Variants in DNTT observed in about 807,000 individuals in gnomAD.
DNTT encodes the protein DNA nucleotidylexotransferase.
In DNTT, 47 loss-of-function variants were observed where a neutral mutation model predicts 60.9. The ratio of observed to expected loss-of-function variants is 0.77; its 90% CI spans 0.61 to 0.98. DNTT has a LOEUF of 0.98. DNTT is among the 50% of genes least tolerant of loss of function. The pLI, the probability that DNTT is intolerant of heterozygous loss-of-function variation, is 0.00. For missense variants in DNTT, 665 were observed against 627.5 expected (o/e 1.06, Z -0.64); for synonymous variants, 224 against 221.2 (o/e 1.01, Z -0.11).
At chr10:96,331,692 C>T (rs558038073) in intron 8 of DNTT, among the ~76,000 whole-genome samples, 16 of 152,302 alleles carry the variant, frequency 1.1e-4, no homozygotes, top group Admixed American at 7.2e-4. Context: ...CAAATTTCTA[C>T]GTGAGATTTA....
intron 1 of DNTT, among the ~76,000 whole-genome samples, chr10:96,315,925 C>A (rs1353570233): frequency 6.6e-6 from 1 of 152,066 alleles, no homozygotes; most frequent in Non-Finnish European, 1.5e-5. Flanking sequence ...GGTTATCCAT[C>A]TTCCTTTAAT....
chr10:96,332,718 C>A, intron 9 of DNTT, 122 bp downstream of exon 9: 2 of 1,428,748 alleles, frequency 1.4e-6, no homozygotes, highest in Middle Eastern at 2.6e-4. Flanking sequence ...GGGCCAGTAC[C>A]CAGAAACCTC....
intron 1 of DNTT, chr10:96,306,710 A>G (rs1330802058): frequency 1.3e-5 from 2 of 152,202 alleles, no homozygotes; most frequent in Non-Finnish European, 2.9e-5. Flanking sequence ...CCAGCTGCTC[A>G]GGCGGCGGAG....
chr10:96,332,516 T>C lies in DNTT; in HGVS notation c.1279T>C (p.Trp427Arg), dbSNP rs527619257. The C allele has an allele frequency of 1.2e-6, 2 of 1,614,208 alleles. No individual in the cohort carries two copies. The highest frequency in any genetic ancestry group is 1.7e-5 in the Admixed American group (1 of 60,028). The change falls in exon 9 of 11, where the codon TGG becomes CGG. Residue 427 changes from tryptophan to arginine, a missense_variant. Trp to Arg is a moderately radical substitution (Grantham distance 101). Coordinates refer to ENST00000371174, the MANE Select transcript of DNTT (RefSeq NM_004088.4). ...DQSSWQEGKT[W>R]KAIRVDLVLC... ...GTCCAGCTGGCAGGAAGGAAAGACC[T>C]GGAAGGCCATCCGTGTGGATTTAGT...
chr10:96,316,419 C>T (rs974329778), intron 1 of DNTT, among the ~76,000 whole-genome samples: 3 of 152,140 alleles, frequency 2.0e-5, no homozygotes, highest in Non-Finnish European at 4.4e-5. Flanking sequence ...GTACCAGACT[C>T]GTCTTTTAAA....
intron 4 of DNTT, among the ~76,000 whole-genome samples, chr10:96,321,244 C>A (rs1844869901): frequency 6.6e-6 from 1 of 152,234 alleles, no homozygotes. Context: ...AAGGAAAGTA[C>A]ACTTGGAAGA....
intron 3 of DNTT, among the ~76,000 whole-genome samples, chr10:96,319,878 A>C (rs1307753104): frequency 6.6e-6 from 1 of 152,202 alleles, no homozygotes; most frequent in Non-Finnish European, 1.5e-5. Flanking sequence ...TTCAAAAAGA[A>C]ATTGGATGGA....
Position 96,327,342 on chromosome 10 carries a change from T to G in DNTT, c.875-126T>G, listed in dbSNP as rs1844947705. On this transcript the variant is annotated intron_variant, in intron 6 of 10. Coordinates refer to ENST00000371174, the MANE Select transcript of DNTT (RefSeq NM_004088.4). ...ATGGACTATTCTGTCTCTGTGGGAA[T>G]GGAGTTTGGTGTTGATGCCTGTAGT... 12 of 1,357,416 alleles carry G rather than the reference T, an allele frequency of 8.8e-6. No homozygotes were observed. The South Asian group carries it at 1.3e-4, about 15-fold the overall frequency. The allele number at this position is 1,357,416 out of a possible 1,614,324, so 84.1% of individuals were successfully genotyped here.
chr10:96,304,563 G>C lies in DNTT; in HGVS notation c.66G>C (p.Leu22Phe). The change falls in exon 1 of 11, where the codon TTG becomes TTC. Residue 22 changes from leucine (L) to phenylalanine (F), a missense_variant. Physicochemically the swap from Leu to Phe is conservative, Grantham distance 22. Coordinates refer to ENST00000371174, the MANE Select transcript of DNTT (RefSeq NM_004088.4). The part of the protein sequence containing the change: ...RKKRPRQTGA[L>F]MASSPQDIKF... ...AGAGACCCCGGCAGACGGGTGCCTT[G>C]ATGGCCTCCTCTCCTCAAGACATCA... 1 of 1,614,126 alleles carries C rather than the reference G, an allele frequency of 6.2e-7. No individual in the cohort carries two copies. Among genetic ancestry groups the C allele is most frequent in the Non-Finnish European group, 8.5e-7 (1 of 1,180,022 alleles).
At chr10:96,330,440 T>TA (rs1476413495) in intron 8 of DNTT, among the ~76,000 whole-genome samples, 7 of 152,154 alleles carry the variant, frequency 4.6e-5, no homozygotes, top group Non-Finnish European at 1.0e-4. Flanking sequence ...AAAAGGCTGC[T>TA]ATTCTGTACT....
chr10:96,318,054 A>C (rs933677960), intron 1 of DNTT, among the ~76,000 whole-genome samples: 1 of 152,194 alleles, frequency 6.6e-6, no homozygotes, highest in Non-Finnish European at 1.5e-5. Context: ...GCTAGGTGCT[A>C]CTTTAAGAGC....
At chr10:96,329,926 C>G (rs1490272940) in intron 8 of DNTT, among the ~76,000 whole-genome samples, 1 of 152,192 alleles carries the variant, frequency 6.6e-6, no homozygotes, top group Non-Finnish European at 1.5e-5. Context: ...ACTGGCCGCT[C>G]TGTACCCTGG....
chr10:96,332,235 C>T, intron 8 of DNTT, 116 bp from the exon 9 acceptor site: 1 of 1,464,368 alleles, frequency 6.8e-7, no homozygotes, highest in Non-Finnish European at 9.1e-7. Context: ...TAATGCAAGG[C>T]CAAACACATG....
At chr10:96,318,614 A>C (rs1844821902) in intron 2 of DNTT, 88 bp downstream of exon 2, 1 of 1,485,868 alleles carries the variant, frequency 6.7e-7, no homozygotes, top group African/African-American at 1.4e-5. Context: ...GTAAACCCTA[A>C]ATTCTCTGCT....
chr10:96,329,701 C>T (rs911292732), intron 8 of DNTT, among the ~76,000 whole-genome samples: 4 of 152,202 alleles, frequency 2.6e-5, no homozygotes, highest in African/African-American at 7.2e-5. Context: ...CAGATCCAAA[C>T]TGACACGAGT....
rs190305242 is a variant in DNTT at position 96,314,708 on chromosome 10, A to G, written c.204-3644A>G. Among the ~76,000 whole-genome samples the G allele has an allele frequency of 7.4e-3, 1,125 of 152,086 alleles. 11 individuals are homozygous for G. Among genetic ancestry groups the G allele is most frequent in the African/African-American group, 0.026 (1,076 of 41,494 alleles). ...ATTACAGGCATGAGCCACCGCGCCCAGCCTCTCTTCCCATTTTTAGATGGG... is the reference window on the plus strand; with the variant it reads ...ATTACAGGCATGAGCCACCGCGCCCGGCCTCTCTTCCCATTTTTAGATGGG... On this transcript the variant is annotated intron_variant, in intron 1 of 10. Transcript: ENST00000371174.
At chr10:96,307,773 A>AT (rs1407279607) in intron 1 of DNTT, among the ~76,000 whole-genome samples, 11,050 of 100,300 alleles carry the variant, frequency 0.11, 1,341 homozygotes, top group East Asian at 0.44. Context: ...ATATATATAT[A>AT]TATATTTTTT....
At chr10:96,324,473 A>G in intron 6 of DNTT, 84 bp downstream of exon 6, 2 of 1,572,154 alleles carry the variant, frequency 1.3e-6, no homozygotes, top group Non-Finnish European at 1.7e-6. Context: ...CTGCAACTCC[A>G]ATCTGGGAGA....
chr10:96,327,902 TTC>T (rs1844957804), intron 7 of DNTT, among the ~76,000 whole-genome samples: 1 of 152,206 alleles, frequency 6.6e-6, no homozygotes, highest in Admixed American at 6.5e-5. Flanking sequence ...AGATGGCACC[TTC>T]TCCAGAAAGC....
Sources: allele counts gnomAD v4.1 joint callset (sites outside exome capture counted in the v4.1 genomes callset), GRCh38; gene constraint gnomAD v4.1.1; transcripts MANE v1.5; gene names NCBI Gene and HGNC (gene_info 2026-07-23, HGNC 2026-07-21).